PCDH11X: variants seen among roughly 807,000 people sequenced by gnomAD.
PCDH11X encodes the protein protocadherin 11 X-linked.
A neutral mutation model predicts 53.3 loss-of-function variants in PCDH11X; 18 were observed. The observed-to-expected ratio is 0.34, with a 90% CI of 0.23 to 0.50. The LOEUF is 0.50. PCDH11X is among the 20% of genes least tolerant of loss of function. PCDH11X has a pLI of 0.98. For missense variants in PCDH11X, 570 were observed against 1,032.4 expected, an observed-to-expected ratio of 0.55 and a Z score of 6.14; for synonymous variants, 279 against 393.3, an observed-to-expected ratio of 0.71 and a Z score of 3.44.
At chrX:92,026,485 A>T (rs2062971748) in intron 6 of PCDH11X, among the ~76,000 whole-genome samples, 1 of 110,984 alleles carries the variant, frequency 9.0e-6, no homozygotes, top group Non-Finnish European at 1.9e-5. Context: ...GAGGAGATAC[A>T]TTTCCCATAA....
At chrX:91,840,456 A>T (rs1232207996) in intron 5 of PCDH11X, among the ~76,000 whole-genome samples, 1 of 111,830 alleles carries the variant, frequency 8.9e-6, no homozygotes, top group Non-Finnish European at 1.9e-5. Context: ...ATCTCAAAAG[A>T]TCATTTAAAC....
intron 10 of PCDH11X, among the ~76,000 whole-genome samples, chrX:92,521,019 A>G (rs1182861730): frequency 1.8e-5 from 2 of 111,104 alleles, no homozygotes; most frequent in Non-Finnish European, 3.8e-5. Context: ...CCTTCACTGA[A>G]GTCTTGAACC....
intron 8 of PCDH11X, among the ~76,000 whole-genome samples, chrX:92,288,567 A>G (rs2068430000): frequency 9.1e-6 from 1 of 110,452 alleles, no homozygotes; most frequent in Non-Finnish European, 1.9e-5. Flanking sequence ...GGCTGTATCA[A>G]TAAATTCCAG....
intron 6 of PCDH11X, among the ~76,000 whole-genome samples, chrX:92,146,421 G>T (rs188884874): frequency 2.8e-4 from 31 of 110,679 alleles, no homozygotes; most frequent in Non-Finnish European, 4.7e-4. Context: ...TTCCATGAGG[G>T]GCAATATGGA....
chrX:92,616,676 G>T (rs1280202598), intron 10 of PCDH11X, among the ~76,000 whole-genome samples: 5 of 109,023 alleles, frequency 4.6e-5, no homozygotes, highest in Non-Finnish European at 9.6e-5. Flanking sequence ...CCACAAATAG[G>T]TTTTTTTTAA....
chrX:92,222,293 G>T (rs764552755), intron 7 of PCDH11X, among the ~76,000 whole-genome samples: 2 of 111,822 alleles, frequency 1.8e-5, no homozygotes, highest in African/African-American at 6.5e-5. Context: ...TGTTTCACAG[G>T]TAAAAATGTC....
At chrX:92,395,954 T>A (rs768519928) in intron 9 of PCDH11X, among the ~76,000 whole-genome samples, 406 of 109,141 alleles carry the variant, frequency 3.7e-3, no homozygotes, top group Middle Eastern at 0.024. Context: ...TTTTTTTTTT[T>A]AAAAAAGGTT....
At chrX:91,786,571 A>G (rs1413855946) in intron 1 of PCDH11X, among the ~76,000 whole-genome samples, 1 of 88,772 alleles carries the variant, frequency 1.1e-5, no homozygotes, top group Non-Finnish European at 2.2e-5. Flanking sequence ...GTTTTCTGTC[A>G]CCTTTATTTT....
At chrX:92,417,326 C>A (rs750511498) in intron 9 of PCDH11X, among the ~76,000 whole-genome samples, 1 of 110,642 alleles carries the variant, frequency 9.0e-6, no homozygotes, top group African/African-American at 3.3e-5. Flanking sequence ...ACCTAGCAAG[C>A]CTATAGCTGC....
chrX:92,072,988 A>T (rs749838148), intron 6 of PCDH11X, among the ~76,000 whole-genome samples: 1 of 111,558 alleles, frequency 9.0e-6, no homozygotes, highest in Non-Finnish European at 1.9e-5. Flanking sequence ...GGGATGGCAG[A>T]TTCCCCTCTG....
At chrX:91,849,455 A>G in intron 5 of PCDH11X, among the ~76,000 whole-genome samples, 1 of 109,514 alleles carries the variant, frequency 9.1e-6, no homozygotes, top group Non-Finnish European at 1.9e-5. Context: ...TCCACCCTAA[A>G]GTAGGCCCAA....
At chrX:92,012,707 A>C (rs937247818) in intron 6 of PCDH11X, among the ~76,000 whole-genome samples, 9 of 111,648 alleles carry the variant, frequency 8.1e-5, no homozygotes, top group African/African-American at 3.3e-5. Flanking sequence ...TCTATTGGAC[A>C]AAAGTCTTTT....
chrX:91,831,108 A>G (rs975393638), intron 4 of PCDH11X, among the ~76,000 whole-genome samples: 2 of 111,353 alleles, frequency 1.8e-5, no homozygotes, highest in South Asian at 3.7e-4. Context: ...ATGAACTTCC[A>G]TTTTTGCTTT....
At chrX:92,429,125 G>T (rs2578782) in intron 9 of PCDH11X, among the ~76,000 whole-genome samples, 2 of 111,136 alleles carry the variant, frequency 1.8e-5, no homozygotes, top group African/African-American at 6.6e-5. Flanking sequence ...ATAAATAGCC[G>T]TTGGATTTAT....
intron 6 of PCDH11X, among the ~76,000 whole-genome samples, chrX:91,888,955 T>C (rs1346798077): frequency 1.8e-5 from 2 of 111,942 alleles, no homozygotes; most frequent in African/African-American, 6.5e-5. Context: ...ATATTATAAC[T>C]AAAGAGAATT....
chrX:92,101,963 A>T (rs1453787333), intron 6 of PCDH11X, among the ~76,000 whole-genome samples: 1 of 97,523 alleles, frequency 1.0e-5, no homozygotes, highest in Admixed American at 1.1e-4. Context: ...CTTTGCTGGT[A>T]TGTGGCGATT....
intron 8 of PCDH11X, among the ~76,000 whole-genome samples, chrX:92,300,082 C>A (rs923791658): frequency 2.8e-5 from 3 of 106,548 alleles, no homozygotes; most frequent in Admixed American, 1.0e-4. Flanking sequence ...CATTCAGGAG[C>A]AAGTTGTTTA....
chrX:92,311,725 A>G (rs1257852933), intron 8 of PCDH11X, among the ~76,000 whole-genome samples: 1 of 111,181 alleles, frequency 9.0e-6, no homozygotes, highest in African/African-American at 3.3e-5. Flanking sequence ...CATGTACTCC[A>G]GAAAGTAAGC....
At chrX:92,055,717 A>G (rs35506037) in intron 6 of PCDH11X, among the ~76,000 whole-genome samples, 1 of 110,256 alleles carries the variant, frequency 9.1e-6, no homozygotes, top group African/African-American at 3.3e-5. Context: ...ACCCTTCACC[A>G]TCTGATAGGC....
Sources: gnomAD v4.1 joint callset for allele counts (sites outside exome capture counted in the v4.1 genomes callset) on GRCh38, gnomAD v4.1.1 for gene constraint, MANE v1.5 for transcripts, NCBI Gene and HGNC (gene_info 2026-07-23, HGNC 2026-07-21) for gene names.